Variants in PDE4D observed in about 807,000 individuals in gnomAD.
PDE4D encodes the protein 3',5'-cyclic-AMP phosphodiesterase 4D.
Under a neutral mutation model 87.4 loss-of-function variants are expected in PDE4D, and 24 were observed. The ratio of observed to expected loss-of-function variants is 0.27; its 90% CI spans 0.20 to 0.39. PDE4D has a LOEUF of 0.39. Among genes scored for constraint, PDE4D ranks in the 10% least tolerant of loss-of-function variants. The pLI is 1.00. For synonymous variants in PDE4D, 384 were observed against 383.2 expected (o/e 1.00, Z -0.02); for missense variants, 714 against 1,041.0 (o/e 0.69, Z 4.32).
rs1338227758 is a variant in PDE4D, at chr5:59,399,925, C to T, written c.456-183957G>A. ...ACCCCATCAAAAAGTGGGCGAAGGA[C>T]ATGAACAGACACTTCTCAAAAGAAG... is the stretch of plus-strand genomic sequence containing the variant. On this transcript the variant is annotated intron_variant, in intron 1 of 14. Coordinates refer to ENST00000340635, the MANE Select transcript of PDE4D (RefSeq NM_001104631.2). Among the ~76,000 whole-genome samples, 4 of 113,156 alleles carry T rather than the reference C, an allele frequency of 3.5e-5. 1 individual carries two copies. The highest frequency in any genetic ancestry group is 8.6e-5 in the Admixed American group (1 of 11,680). The allele number at this position is 113,156 out of a possible 152,430, so 74.2% of individuals were successfully genotyped here. A position where few individuals can be genotyped will look rare whatever the true frequency, so the allele number is the denominator to read the frequency against.
At chr5:59,393,965 T>C (rs2153609927) in intron 1 of PDE4D, among the ~76,000 whole-genome samples, 1 of 152,354 alleles carries the variant, frequency 6.6e-6, no homozygotes, top group Admixed American at 6.5e-5. Flanking sequence ...GGGTTAGAAA[T>C]AGTATTTTTT....
chr5:59,182,510 T>C (rs904736953), intron 4 of PDE4D, among the ~76,000 whole-genome samples: 14 of 152,084 alleles, frequency 9.2e-5, no homozygotes, highest in Non-Finnish European at 2.9e-5. Context: ...GAGTTTATCA[T>C]TCAAATAATT....
intron 2 of PDE4D, among the ~76,000 whole-genome samples, chr5:60,132,386 T>C (rs1356187167): frequency 6.6e-6 from 1 of 152,214 alleles, no homozygotes; most frequent in African/African-American, 2.4e-5. Context: ...TTCATTTATG[T>C]ATTACCGTAT....
At chr5:60,515,022 C>T (rs1034597665) in intron 1 of PDE4D, among the ~76,000 whole-genome samples, 3 of 152,040 alleles carry the variant, frequency 2.0e-5, no homozygotes, top group African/African-American at 4.8e-5. Flanking sequence ...CTGATACTTG[C>T]AACAGGGTAA....
intron 1 of PDE4D, among the ~76,000 whole-genome samples, chr5:59,765,401 C>A (rs1384098890): frequency 2.0e-5 from 3 of 152,176 alleles, no homozygotes; most frequent in African/African-American, 7.2e-5. Context: ...AAGAATTCAA[C>A]CATGGCATAG....
At chr5:60,255,869 A>G (rs1299827603) in intron 1 of PDE4D, among the ~76,000 whole-genome samples, 2 of 151,916 alleles carry the variant, frequency 1.3e-5, no homozygotes, top group Non-Finnish European at 2.9e-5. Flanking sequence ...CATATTTTCC[A>G]ATGTAACACT....
intron 1 of PDE4D, chr5:59,276,001 T>C (rs1764721771): frequency 1.0e-6 from 1 of 984,688 alleles, no homozygotes; most frequent in African/African-American, 1.8e-5. Flanking sequence ...TGTCCCTGCT[T>C]AGAATCCAGG....
chr5:59,286,615 C>T (rs1427485338), intron 1 of PDE4D, among the ~76,000 whole-genome samples: 1 of 152,102 alleles, frequency 6.6e-6, no homozygotes, highest in African/African-American at 2.4e-5. Flanking sequence ...TTCTAGGAAT[C>T]ACGACTTTCA....
intron 1 of PDE4D, among the ~76,000 whole-genome samples, chr5:59,552,288 C>G (rs1300941155): frequency 6.6e-6 from 1 of 152,036 alleles, no homozygotes; most frequent in Non-Finnish European, 1.5e-5. Context: ...AAGCTAATAG[C>G]TTTCTTATAT....
At chr5:60,041,418 G>A (rs2152868129) in intron 2 of PDE4D, among the ~76,000 whole-genome samples, 1 of 152,292 alleles carries the variant, frequency 6.6e-6, no homozygotes, top group South Asian at 2.1e-4. Flanking sequence ...GAACTCTTTT[G>A]TGCCCTGGCA....
At chr5:60,289,156 T>A (rs1374985572) in intron 1 of PDE4D, among the ~76,000 whole-genome samples, 1 of 152,202 alleles carries the variant, frequency 6.6e-6, no homozygotes, top group African/African-American at 2.4e-5. Context: ...TTCATGTCTT[T>A]CCCCAGAGTG....
At chr5:59,068,622 C>T (rs1280720877) in intron 5 of PDE4D, among the ~76,000 whole-genome samples, 1 of 152,090 alleles carries the variant, frequency 6.6e-6, no homozygotes, top group Non-Finnish European at 1.5e-5. Context: ...CAATTTATTT[C>T]CTATTAAGGA....
At chr5:60,075,716 T>C (rs1341641455) in intron 2 of PDE4D, among the ~76,000 whole-genome samples, 1 of 152,164 alleles carries the variant, frequency 6.6e-6, no homozygotes, top group Non-Finnish European at 1.5e-5. Flanking sequence ...TTTTTATTAT[T>C]TTTTCTTTAT....
chr5:59,513,956 A>G (rs1168159998), intron 1 of PDE4D, among the ~76,000 whole-genome samples: 1 of 152,206 alleles, frequency 6.6e-6, no homozygotes, highest in Non-Finnish European at 1.5e-5. Context: ...CTGAAAGGTT[A>G]TGAAAATGAT....
At chr5:59,779,450 G>T (rs146392268) in intron 1 of PDE4D, among the ~76,000 whole-genome samples, 8 of 152,232 alleles carry the variant, frequency 5.3e-5, no homozygotes, top group African/African-American at 1.4e-4. Context: ...AATGAGACAT[G>T]AAATTTTTAT....
intron 1 of PDE4D, among the ~76,000 whole-genome samples, chr5:59,251,536 G>A (rs1456459379): frequency 6.6e-6 from 1 of 152,118 alleles, no homozygotes; most frequent in East Asian, 1.9e-4. Flanking sequence ...ACAGATGCTA[G>A]CAAGGTTGTA....
chr5:60,324,880 A>C (rs2149850439), intron 1 of PDE4D, among the ~76,000 whole-genome samples: 1 of 152,350 alleles, frequency 6.6e-6, no homozygotes, highest in Middle Eastern at 3.4e-3. Flanking sequence ...AAGTATAGTC[A>C]ACTATAGCTC....
chr5:59,641,975 A>T (rs1456137362), intron 1 of PDE4D, among the ~76,000 whole-genome samples: 4 of 152,192 alleles, frequency 2.6e-5, no homozygotes, highest in Non-Finnish European at 5.9e-5. Flanking sequence ...GAGCAATATA[A>T]ATGTCTGTCA....
intron 2 of PDE4D, among the ~76,000 whole-genome samples, chr5:60,002,301 C>A (rs908336661): frequency 2.0e-5 from 3 of 151,380 alleles, no homozygotes; most frequent in Non-Finnish European, 2.9e-5. Context: ...CAAAGAAAAG[C>A]ACAGGACCAT....
Sources: allele counts gnomAD v4.1 joint callset (sites outside exome capture counted in the v4.1 genomes callset), GRCh38; gene constraint gnomAD v4.1.1; transcripts MANE v1.5; gene names NCBI Gene and HGNC (gene_info 2026-07-23, HGNC 2026-07-21).